Variants in SMCO2 observed in about 807,000 individuals in gnomAD.
SMCO2 encodes the protein single-pass membrane and coiled-coil domain-containing protein 2.
Under a neutral mutation model 29.5 loss-of-function variants are expected in SMCO2, and 25 were observed. The observed-to-expected ratio is 0.85, with a 90% CI of 0.62 to 1.18. The LOEUF is 1.18. Among genes scored for constraint, SMCO2 ranks in the 50% most tolerant of loss-of-function variants. The pLI, the probability that SMCO2 is intolerant of heterozygous loss-of-function variation, is 0.00. For missense variants in SMCO2, 348 were observed against 344.5 expected (o/e 1.01, Z -0.08); for synonymous variants, 117 against 123.3 (o/e 0.95, Z 0.34).
intron 4 of SMCO2, among the ~76,000 whole-genome samples, chr12:27,480,709 C>A (rs1021301443): frequency 9.3e-5 from 14 of 151,154 alleles, no homozygotes; most frequent in South Asian, 2.1e-4. Flanking sequence ...TCTCCCCCCC[C>A]TCTCTCTCTC....
intron 4 of SMCO2, among the ~76,000 whole-genome samples, chr12:27,476,259 G>A (rs1401967001): frequency 1.3e-5 from 2 of 151,960 alleles, no homozygotes; most frequent in Non-Finnish European, 2.9e-5. Context: ...AATTTGTTAA[G>A]ACTTGTATTG....
chr12:27,426,091 C>G, the SMCO2 span, among the ~76,000 whole-genome samples: 1 of 152,124 alleles, frequency 6.6e-6, no homozygotes, highest in Non-Finnish European at 1.5e-5. Context: ...GGGGATCTCC[C>G]ATGGGGATCT....
intron 7 of SMCO2, chr12:27,497,974 T>C: frequency 3.1e-6 from 1 of 320,592 alleles, no homozygotes; most frequent in Non-Finnish European, 6.2e-6. Flanking sequence ...AGAAGTTTAA[T>C]ATATGTTCAG....
intron 5 of SMCO2, 48 bp downstream of exon 6, chr12:27,488,595 C>A: frequency 7.4e-7 from 1 of 1,355,062 alleles, no homozygotes. Flanking sequence ...ATTTCTGTCA[C>A]TTCTTTCCCT....
the SMCO2 span, among the ~76,000 whole-genome samples, chr12:27,433,699 A>G: frequency 1.3e-5 from 2 of 152,250 alleles, no homozygotes; most frequent in South Asian, 4.1e-4. Flanking sequence ...TATTAATTGG[A>G]TATCTAGCTG....
chr12:27,495,644 A>G (rs1942990073), intron 6 of SMCO2, 36 bp from the exon 8 acceptor site: 1 of 1,426,500 alleles, frequency 7.0e-7, no homozygotes, highest in Non-Finnish European at 9.3e-7. Context: ...GACATTTAGA[A>G]TTTTTTTAAG....
chr12:27,437,458 T>A, the SMCO2 span, among the ~76,000 whole-genome samples: 28 of 152,106 alleles, frequency 1.8e-4, no homozygotes, highest in Non-Finnish European at 3.2e-4. Flanking sequence ...GTTTTTTTTT[T>A]AATCCAAACT....
chr12:27,436,652 A>G, the SMCO2 span, among the ~76,000 whole-genome samples: 13 of 152,190 alleles, frequency 8.5e-5, no homozygotes. Context: ...AAGTAATGAG[A>G]TGGATCAAGT....
the SMCO2 span, among the ~76,000 whole-genome samples, chr12:27,437,432 G>T: frequency 6.6e-6 from 1 of 152,028 alleles, no homozygotes; most frequent in African/African-American, 2.4e-5. Flanking sequence ...AGCAATACAG[G>T]TGAAAGCAAT....
the SMCO2 span, among the ~76,000 whole-genome samples, chr12:27,426,016 T>C: frequency 6.6e-6 from 1 of 152,192 alleles, no homozygotes; most frequent in Non-Finnish European, 1.5e-5. Context: ...ATATACAGAT[T>C]AGCCAGGCTG....
chr12:27,499,072 C>T lies in SMCO2; in HGVS notation c.684-2851C>T, dbSNP rs938854054. 6.0e-5 allele frequency among the ~76,000 whole-genome samples: 9 copies of T among 150,598 alleles called. 1 individual carries two copies. The highest frequency in any genetic ancestry group is 2.2e-4 in the African/African-American group (9 of 40,300). ...TAAATATAGAATTACCACATGATTC[C>T]ACAAGTCTACTCTTGGGTATATACT... On this transcript the variant is annotated intron_variant, in intron 7 of 7. Transcript: ENST00000298876.
intron 4 of SMCO2, among the ~76,000 whole-genome samples, chr12:27,484,871 A>T (rs1663106): frequency 0.062 from 4,594 of 74,488 alleles, 113 homozygotes; most frequent in East Asian, 0.11. Context: ...AAAAAAAAAA[A>T]ATATATATAT....
chr12:27,491,295 G>A (rs1275892221), intron 5 of SMCO2, among the ~76,000 whole-genome samples: 1 of 152,166 alleles, frequency 6.6e-6, no homozygotes, highest in Non-Finnish European at 1.5e-5. Context: ...AGGACTTTGA[G>A]GTGGCCTTTG....
the SMCO2 span, among the ~76,000 whole-genome samples, chr12:27,458,724 T>G: frequency 6.6e-6 from 1 of 150,460 alleles, no homozygotes; most frequent in Non-Finnish European, 1.5e-5. Context: ...CCATCTCTAC[T>G]AAAAATACAA....
At chr12:27,456,998 AT>A in the SMCO2 span, among the ~76,000 whole-genome samples, 1 of 152,172 alleles carries the variant, frequency 6.6e-6, no homozygotes, top group Non-Finnish European at 1.5e-5. Context: ...AATCTAATTA[AT>A]GCCTGATGAT....
At chr12:27,480,369 C>T (rs1351065602) in intron 4 of SMCO2, among the ~76,000 whole-genome samples, 1 of 152,174 alleles carries the variant, frequency 6.6e-6, no homozygotes, top group South Asian at 2.1e-4. Flanking sequence ...GCTCCTCAGG[C>T]CCCTGGGTGG....
chr12:27,425,162 A>G, the SMCO2 span: 3 of 151,948 alleles, frequency 2.0e-5, no homozygotes, highest in South Asian at 6.3e-4. Flanking sequence ...TTTCCAGTTC[A>G]CTTGTGCTCG....
At chr12:27,427,380 G>A in the SMCO2 span, among the ~76,000 whole-genome samples, 9 of 152,148 alleles carry the variant, frequency 5.9e-5, no homozygotes, top group Non-Finnish European at 1.3e-4. Context: ...CTGGCCTGGG[G>A]ACCACACTTT....
At chr12:27,448,083 C>A in the SMCO2 span, among the ~76,000 whole-genome samples, 2 of 152,134 alleles carry the variant, frequency 1.3e-5, no homozygotes, top group African/African-American at 4.8e-5. Context: ...AAATAGTTAT[C>A]AATTAAATAC....
Sources: allele counts gnomAD v4.1 joint callset (sites outside exome capture counted in the v4.1 genomes callset), GRCh38; gene constraint gnomAD v4.1.1; transcripts MANE v1.5; gene names NCBI Gene and HGNC (gene_info 2026-07-23, HGNC 2026-07-21).